MIPOL1: variants seen among roughly 807,000 people sequenced by gnomAD.
The protein encoded by MIPOL1 is mirror-image polydactyly 1.
A neutral mutation model predicts 60.9 loss-of-function variants in MIPOL1; 57 were observed. That is an observed-to-expected ratio of 0.94 (90% CI 0.76 to 1.17). MIPOL1 has a LOEUF of 1.17. Ranked by LOEUF, MIPOL1 falls within the 50% of genes most tolerant of loss-of-function variation. The pLI is 0.00. For missense variants in MIPOL1, 551 were observed against 511.6 expected, an observed-to-expected ratio of 1.08 and a Z score of -0.74; for synonymous variants, 179 against 168.8, an observed-to-expected ratio of 1.06 and a Z score of -0.47.
chr14:37,294,889 C>T lies in MIPOL1; in HGVS notation c.623+9442C>T, dbSNP rs185979088. On this transcript the variant is annotated intron_variant, in intron 7 of 12. Transcript: ENST00000684589. Reference sequence around the variant, plus strand: ...AGTTGGAAAACACTCTGCAGGATATCATCCAGGAGAACTTCCCCAATCTAG... The same window carrying T: ...AGTTGGAAAACACTCTGCAGGATATTATCCAGGAGAACTTCCCCAATCTAG... Among the ~76,000 whole-genome samples, 453 of 152,208 alleles carry T rather than the reference C, an allele frequency of 3.0e-3. 2 individuals carry two copies. The highest frequency in any genetic ancestry group is 0.01 in the African/African-American group (430 of 41,534).
At chr14:37,369,112 T>C (rs2092566040) in intron 9 of MIPOL1, among the ~76,000 whole-genome samples, 1 of 151,996 alleles carries the variant, frequency 6.6e-6, no homozygotes, top group Non-Finnish European at 1.5e-5. Context: ...TTTTAAATAT[T>C]AATAAAATGT....
intron 1 of MIPOL1, among the ~76,000 whole-genome samples, chr14:37,205,614 C>T (rs10149427): frequency 0.016 from 2,495 of 152,198 alleles, 53 homozygotes; most frequent in African/African-American, 0.055. Flanking sequence ...TGCTGTCCCC[C>T]GCCAGCTCCC....
chr14:37,445,592 CA>C (rs930978071), intron 11 of MIPOL1, among the ~76,000 whole-genome samples: 25 of 151,332 alleles, frequency 1.7e-4, no homozygotes, highest in Admixed American at 1.1e-3. Context: ...CATATGGAAC[CA>C]AAAAAGAGCC....
intron 12 of MIPOL1, among the ~76,000 whole-genome samples, chr14:37,520,277 C>T (rs918359961): frequency 5.3e-5 from 8 of 152,068 alleles, no homozygotes; most frequent in African/African-American, 1.9e-4. Context: ...TTTGTATTCC[C>T]TGTTAATCAA....
At chr14:37,287,379 G>T (rs144565345) in intron 7 of MIPOL1, among the ~76,000 whole-genome samples, 6 of 152,026 alleles carry the variant, frequency 3.9e-5, no homozygotes, top group African/African-American at 1.4e-4. Context: ...AAGGAGCTAT[G>T]ACTACAGGGA....
intron 1 of MIPOL1, among the ~76,000 whole-genome samples, chr14:37,223,935 T>A (rs1013379775): frequency 6.6e-6 from 1 of 152,242 alleles, no homozygotes; most frequent in Non-Finnish European, 1.5e-5. Flanking sequence ...CTTTTTAAAG[T>A]CCTTCCTTTA....
chr14:37,463,052 G>GACAT (rs2094558013), intron 11 of MIPOL1, among the ~76,000 whole-genome samples: 1 of 152,154 alleles, frequency 6.6e-6, no homozygotes, highest in African/African-American at 2.4e-5. Flanking sequence ...TGCTGATAAA[G>GACAT]ACATACCTGA....
intron 10 of MIPOL1, among the ~76,000 whole-genome samples, chr14:37,418,780 A>G (rs1046921551): frequency 1.3e-5 from 2 of 152,120 alleles, no homozygotes; most frequent in African/African-American, 4.8e-5. Context: ...TAAACACTCG[A>G]AAGAATGCCT....
chr14:37,551,733 G>A (rs1050510770), downstream of MIPOL1: 2 of 151,676 alleles, frequency 1.3e-5, no homozygotes, highest in Non-Finnish European at 2.9e-5. Context: ...AAAGAAGTTA[G>A]CCGGGCGTGG....
intron 1 of MIPOL1, among the ~76,000 whole-genome samples, chr14:37,244,544 G>GTT (rs111867620): frequency 1.2e-4 from 18 of 145,872 alleles, no homozygotes; most frequent in African/African-American, 3.7e-4. Context: ...TTATAGTAGA[G>GTT]TTTTTTTTTT....
At chr14:37,531,653 G>C (rs1159587452) in intron 12 of MIPOL1, among the ~76,000 whole-genome samples, 2 of 152,032 alleles carry the variant, frequency 1.3e-5, no homozygotes, top group African/African-American at 2.4e-5. Flanking sequence ...CTGATCTAAG[G>C]AAAAATAACA....
At chr14:37,395,071 A>G (rs1478101888) in intron 10 of MIPOL1, among the ~76,000 whole-genome samples, 2 of 151,882 alleles carry the variant, frequency 1.3e-5, no homozygotes, top group African/African-American at 4.8e-5. Flanking sequence ...TCAGTTGGCT[A>G]TATTTGGGTT....
At chr14:37,535,215 GTAGT>G (rs1451574828) in intron 12 of MIPOL1, among the ~76,000 whole-genome samples, 1 of 152,104 alleles carries the variant, frequency 6.6e-6, no homozygotes, top group Non-Finnish European at 1.5e-5. Flanking sequence ...CTAAAAGATA[GTAGT>G]TAGTCAATGT....
In MIPOL1 at chr14:37,308,422, T is replaced by C; in HGVS notation, c.731T>C (p.Ile244Thr). Residue 244 changes from isoleucine (I) to threonine (T), a missense_variant, in exon 9 of 13, where the codon ATT becomes ACT. By Grantham distance (89) the Ile-to-Thr change is moderately conservative. Transcript: ENST00000684589. Reference sequence around the variant, plus strand: ...GCTATTCAGAAGAATGGAGCTATAATTGTGGATAGAATCTACAAGACCAAG... The same window carrying C: ...GCTATTCAGAAGAATGGAGCTATAACTGTGGATAGAATCTACAAGACCAAG... ...GIAIQKNGAI[I>T]VDRIYKTKEC... 1 of 1,606,742 alleles carries C rather than the reference T, an allele frequency of 6.2e-7. No homozygotes were observed. The highest frequency in any genetic ancestry group is 8.5e-7 in the Non-Finnish European group (1 of 1,177,348).
At chr14:37,451,853 G>A (rs1210623304) in intron 11 of MIPOL1, among the ~76,000 whole-genome samples, 5 of 124,788 alleles carry the variant, frequency 4.0e-5, no homozygotes, top group Non-Finnish European at 7.7e-5. Flanking sequence ...CTCGCTCTGT[G>A]GCCCAGGTGG....
chr14:37,483,457 C>G (rs1397379350), intron 11 of MIPOL1, among the ~76,000 whole-genome samples: 1 of 152,000 alleles, frequency 6.6e-6, no homozygotes, highest in Non-Finnish European at 1.5e-5. Context: ...TATTTTTCAT[C>G]CATGGTTGGT....
At chr14:37,228,497 T>C (rs1390144367) in intron 1 of MIPOL1, among the ~76,000 whole-genome samples, 1 of 152,080 alleles carries the variant, frequency 6.6e-6, no homozygotes, top group African/African-American at 2.4e-5. Context: ...GTTTAGTTTC[T>C]TGTCCTCGTA....
chr14:37,242,332 A>C (rs1258639262), intron 1 of MIPOL1, among the ~76,000 whole-genome samples: 1 of 152,112 alleles, frequency 6.6e-6, no homozygotes, highest in Non-Finnish European at 1.5e-5. Flanking sequence ...TAAAAAAATA[A>C]TGTGCCTATT....
intron 9 of MIPOL1, among the ~76,000 whole-genome samples, chr14:37,369,041 G>T (rs2092564096): frequency 6.6e-6 from 1 of 151,674 alleles, no homozygotes; most frequent in Non-Finnish European, 1.5e-5. Context: ...CTATAAAATT[G>T]TTTCCTTAGA....
Sources: gnomAD v4.1 joint callset for allele counts (sites outside exome capture counted in the v4.1 genomes callset) on GRCh38, gnomAD v4.1.1 for gene constraint, MANE v1.5 for transcripts, NCBI Gene and HGNC (gene_info 2026-07-23, HGNC 2026-07-21) for gene names.